Variants in ODAD4 observed in about 807,000 individuals in gnomAD.
ODAD4 encodes the protein outer dynein arm-docking complex subunit 4.
A neutral mutation model predicts 51.8 loss-of-function variants in ODAD4; 49 were observed. That is an observed-to-expected ratio of 0.95 (90% CI 0.75 to 1.20). The LOEUF (loss-of-function observed/expected upper bound fraction) is 1.20. ODAD4 is among the 50% of genes most tolerant of loss of function. The pLI is 0.00. For synonymous variants in ODAD4, 235 were observed against 221.3 expected, an observed-to-expected ratio of 1.06 and a Z score of -0.55; for missense variants, 590 against 586.5, an observed-to-expected ratio of 1.01 and a Z score of -0.06.
intron 9 of ODAD4, among the ~76,000 whole-genome samples, chr17:41,953,182 TC>T (rs1598086456): frequency 1.3e-5 from 2 of 152,240 alleles, no homozygotes; most frequent in Middle Eastern, 6.8e-3. Context: ...TGCCTCAGCC[TC>T]CCAGGTAGCT....
intron 7 of ODAD4, among the ~76,000 whole-genome samples, chr17:41,939,605 G>A: frequency 6.6e-6 from 1 of 152,200 alleles, no homozygotes; most frequent in East Asian, 1.9e-4. Flanking sequence ...GAAAAGTACA[G>A]GATCCAGTGT....
At chr17:41,961,153 A>G (rs529127739) in intron 10 of ODAD4, among the ~76,000 whole-genome samples, 2 of 152,356 alleles carry the variant, frequency 1.3e-5, no homozygotes, top group Admixed American at 6.5e-5. Context: ...CCAAAGAGAA[A>G]TGCATTTGAC....
At chr17:41,959,738 A>G (rs1008118610) in intron 10 of ODAD4, among the ~76,000 whole-genome samples, 1 of 152,190 alleles carries the variant, frequency 6.6e-6, no homozygotes, top group African/African-American at 2.4e-5. Flanking sequence ...CAGTCAGCAC[A>G]CCAGCCTGGA....
intron 1 of ODAD4, among the ~76,000 whole-genome samples, chr17:41,932,589 A>G (rs563773341): frequency 1.1e-4 from 16 of 152,040 alleles, no homozygotes; most frequent in Admixed American, 2.6e-4. Flanking sequence ...CTGTCTCCCA[A>G]GCTGGAATGT....
At chr17:41,950,297 G>A (rs897708580) in intron 9 of ODAD4, among the ~76,000 whole-genome samples, 14 of 151,866 alleles carry the variant, frequency 9.2e-5, no homozygotes, top group Non-Finnish European at 2.9e-5. Flanking sequence ...TCATTATGAT[G>A]TAGGTAGGCA....
At position 41,939,051 on chromosome 17, in the gene ODAD4, C is replaced by T; in HGVS notation, c.937C>T (p.Pro313Ser). 3.7e-6 allele frequency: 6 copies of T among 1,613,784 alleles called. No homozygotes were observed. Among genetic ancestry groups the T allele is most frequent in the Non-Finnish European group, 5.1e-6 (6 of 1,179,798 alleles). ...ACTGGAATGGAACAAGGAAGAGGTA[C>T]CCAACAAGGATGAACTGGTTGGAAA... ...KVLEWNKEEV[P>S]NKDELVGNLY... The change falls in exon 7 of 12, where the codon CCC becomes TCC. Residue 313 changes from proline (P) to serine (S), a missense_variant. Physicochemically the swap from Pro to Ser is moderately conservative, Grantham distance 74 (BLOSUM62 -1). This residue lies in a region of ODAD4 where 360 missense variants were observed against 407.5 expected (regional missense o/e 0.88). Coordinates refer to ENST00000377540, the MANE Select transcript of ODAD4 (RefSeq NM_031421.5).
intron 9 of ODAD4, among the ~76,000 whole-genome samples, chr17:41,951,508 TG>T (rs1218905346): frequency 4.6e-5 from 7 of 151,794 alleles, no homozygotes; most frequent in Admixed American, 4.6e-4. Context: ...GGCGCGATCT[TG>T]GCTCACTGCA....
intron 8 of ODAD4, among the ~76,000 whole-genome samples, chr17:41,945,761 C>T (rs1555639431): frequency 6.6e-6 from 1 of 152,088 alleles, no homozygotes; most frequent in Non-Finnish European, 1.5e-5. Flanking sequence ...ATTAGCCGAA[C>T]ACGTTGGCAC....
At chr17:41,938,860 C>A in intron 6 of ODAD4, 79 bp downstream of exon 6, 1 of 1,567,216 alleles carries the variant, frequency 6.4e-7, no homozygotes, top group Non-Finnish European at 8.7e-7. Flanking sequence ...GGTGTCTGAG[C>A]CCCTGGTCTC....
chr17:41,957,190 A>T (rs1186716799), intron 10 of ODAD4, among the ~76,000 whole-genome samples: 1 of 151,966 alleles, frequency 6.6e-6, no homozygotes, highest in Non-Finnish European at 1.5e-5. Context: ...GAGCCACTGT[A>T]CCCAGCCCTC....
chr17:41,948,821 G>A (rs921908980), intron 8 of ODAD4, among the ~76,000 whole-genome samples: 79 of 152,138 alleles, frequency 5.2e-4, no homozygotes, highest in African/African-American at 1.9e-3. Context: ...TGTATTTTTA[G>A]TAGACAGACA....
intron 9 of ODAD4, chr17:41,952,687 A>C (rs117983984): frequency 0.011 from 5,854 of 516,444 alleles, 76 homozygotes; most frequent in Non-Finnish European, 0.013. Context: ...GCGACTCCAC[A>C]TATTTTCAGA....
rs531161893 is a variant in ODAD4 at position 41,958,409 on chromosome 17, C to A, written c.1444-2973C>A. Among the ~76,000 whole-genome samples the A allele has an allele frequency of 8.5e-5, 13 of 152,170 alleles. No individual in the cohort carries two copies. The South Asian group carries it at 2.7e-3, about 32-fold the overall frequency. On this transcript the variant is annotated intron_variant, in intron 10 of 11. Coordinates refer to ENST00000377540, the MANE Select transcript of ODAD4 (RefSeq NM_031421.5). The stretch of plus-strand genomic sequence containing the variant: ...GGTGTGGTGGCTCATGCCTGTAATC[C>A]CAGCACTTTAGGAGGCCGAGATGGA...
intron 7 of ODAD4, among the ~76,000 whole-genome samples, chr17:41,943,201 C>A (rs1352652675): frequency 6.6e-6 from 1 of 152,186 alleles, no homozygotes. Flanking sequence ...CCTACATACT[C>A]ATGTACATAT....
At chr17:41,943,127 T>G (rs1161923558) in intron 7 of ODAD4, among the ~76,000 whole-genome samples, 1 of 152,178 alleles carries the variant, frequency 6.6e-6, no homozygotes, top group Admixed American at 6.5e-5. Flanking sequence ...CGCAACCCAC[T>G]TCCCGTCACT....
At chr17:41,934,931 A>G (rs1246627239) in intron 1 of ODAD4, among the ~76,000 whole-genome samples, 4 of 152,220 alleles carry the variant, frequency 2.6e-5, no homozygotes, top group African/African-American at 9.6e-5. Flanking sequence ...ACAGAGCAGC[A>G]TATTCCTACT....
chr17:41,960,232 T>A (rs1406756475), intron 10 of ODAD4, among the ~76,000 whole-genome samples: 1 of 152,112 alleles, frequency 6.6e-6, no homozygotes, highest in Non-Finnish European at 1.5e-5. Flanking sequence ...TTTGGGAGGC[T>A]GAGGGCAGGA....
At chr17:41,964,862 G>A in intron 11 of ODAD4, 131 bp from the exon 12 acceptor site, 2 of 586,542 alleles carry the variant, frequency 3.4e-6, no homozygotes, top group African/African-American at 1.9e-5. Flanking sequence ...AGGCTGGTCT[G>A]GAACTCCTGG....
At chr17:41,962,873 G>A (rs1367696709) in intron 11 of ODAD4, among the ~76,000 whole-genome samples, 1 of 152,222 alleles carries the variant, frequency 6.6e-6, no homozygotes, top group Non-Finnish European at 1.5e-5. Flanking sequence ...CTGCAAGGCT[G>A]AAATCCTTTC....
Sources: gnomAD v4.1 joint callset for allele counts (sites outside exome capture counted in the v4.1 genomes callset) on GRCh38, gnomAD v4.1.1 for gene constraint, gnomAD v4.1.1 regional missense constraint, MANE v1.5 for transcripts, NCBI Gene and HGNC (gene_info 2026-07-23, HGNC 2026-07-21) for gene names.